Variants in APOH observed in about 807,000 individuals in gnomAD.
APOH encodes the protein apolipoprotein H.
A neutral mutation model predicts 39.8 loss-of-function variants in APOH; 48 were observed. The observed-to-expected ratio is 1.21, with a 90% CI of 0.96 to 1.54. APOH has a LOEUF of 1.54. APOH is among the 40% of genes most tolerant of loss of function. The pLI is 0.00. For synonymous variants in APOH, 153 were observed against 151.1 expected, an observed-to-expected ratio of 1.01 and a Z score of -0.09; for missense variants, 415 against 421.2, an observed-to-expected ratio of 0.99 and a Z score of 0.13.
At chr17:66,216,281 G>A (rs950410464) in intron 6 of APOH, among the ~76,000 whole-genome samples, 13 of 152,086 alleles carry the variant, frequency 8.5e-5, no homozygotes, top group African/African-American at 1.7e-4. Flanking sequence ...TCAGGAGTTC[G>A]AAATTAGCCT....
At chr17:66,216,597 G>A (rs1460227064) in intron 6 of APOH, among the ~76,000 whole-genome samples, 191 bp downstream of exon 6, 3 of 152,084 alleles carry the variant, frequency 2.0e-5, no homozygotes, top group Non-Finnish European at 4.4e-5. Flanking sequence ...ATTTCATACT[G>A]TTTAAGGTCA....
chr17:66,227,971 C>T, intron 2 of APOH, 49 bp downstream of exon 2: 3 of 1,571,908 alleles, frequency 1.9e-6, no homozygotes, highest in Non-Finnish European at 2.6e-6. Context: ...CTCCAAAATA[C>T]CCAGAATCCA....
intron 4 of APOH, 152 bp from the exon 5 acceptor site, chr17:66,220,894 A>T: frequency 1.2e-6 from 1 of 818,352 alleles, no homozygotes; most frequent in East Asian, 2.7e-5. Flanking sequence ...GTGGATGCCT[A>T]ATAGGAAAAT....
intron 6 of APOH, 78 bp from the exon 7 acceptor site, chr17:66,214,728 G>A (rs2073354626): frequency 2.4e-6 from 3 of 1,240,076 alleles, no homozygotes; most frequent in Admixed American, 1.9e-5. Flanking sequence ...ATTTGAAACA[G>A]TAGATGAGTA....
At chr17:66,218,995 G>A (rs1282284803) in intron 5 of APOH, among the ~76,000 whole-genome samples, 1 of 152,032 alleles carries the variant, frequency 6.6e-6, no homozygotes, top group Non-Finnish European at 1.5e-5. Context: ...GGGTGACAGA[G>A]TGAGACACCA....
At position 66,212,115 on chromosome 17, in the gene APOH, T is replaced by C; in HGVS notation, c.*18A>G. On this transcript the variant is annotated 3_prime_UTR_variant, in exon 8 of 8. Coordinates refer to ENST00000205948, the MANE Select transcript of APOH (RefSeq NM_000042.3). ...CAAGAAACAAGTGTGACATTTTGTG[T>C]GGAATCTGAAAACCACCTTAGCATG... 1 of 1,606,220 alleles carries C rather than the reference T, an allele frequency of 6.2e-7. No homozygotes were observed.
At chr17:66,224,481 A>AG (rs1447768549) in intron 3 of APOH, among the ~76,000 whole-genome samples, 3 of 146,352 alleles carry the variant, frequency 2.0e-5, no homozygotes, top group African/African-American at 7.5e-5. Context: ...AAAAAAAAAA[A>AG]AAAAAAAAAA....
intron 6 of APOH, among the ~76,000 whole-genome samples, chr17:66,215,420 A>G (rs1326966930): frequency 6.6e-6 from 1 of 152,224 alleles, no homozygotes; most frequent in African/African-American, 2.4e-5. Flanking sequence ...CAAGCCTTCC[A>G]GGTGTTGCTG....
intron 5 of APOH, among the ~76,000 whole-genome samples, chr17:66,217,748 G>A (rs1471932075): frequency 6.6e-6 from 1 of 152,090 alleles, no homozygotes; most frequent in African/African-American, 2.4e-5. Flanking sequence ...AGAAGTTCAA[G>A]ACCAGCCTGG....
At chr17:66,227,782 A>G (rs2073448466) in intron 2 of APOH, among the ~76,000 whole-genome samples, 1 of 152,014 alleles carries the variant, frequency 6.6e-6, no homozygotes, top group Admixed American at 6.6e-5. Context: ...ACCAGATCTC[A>G]TTTTTAAACC....
intron 3 of APOH, 135 bp from the exon 4 acceptor site, chr17:66,223,909 A>C (rs1355762098): frequency 4.0e-6 from 3 of 753,950 alleles, no homozygotes; most frequent in East Asian, 2.7e-5. Context: ...TCTTCCTGAC[A>C]AACTTAGTAC....
chr17:66,226,104 C>T lies in APOH; in HGVS notation c.262G>A (p.Gly88Arg). ...CGTACGGCTCCATTTTCTAAGATTC[C>T]AGCAAAAGGACATACTCTGGCTGTG... ...KCTPRVCPFA[G>R]ILENGAVRYT... The change falls in exon 3 of 8, where the codon GGA (glycine) becomes AGA (arginine). Residue 88 changes from glycine (G) to arginine (R), a missense_variant. Physicochemically the swap from Gly to Arg is moderately radical, Grantham distance 125 (BLOSUM62 -2). This residue lies in a region of APOH where 288 missense variants were observed against 284.9 expected (regional missense o/e 1.01). Transcript: ENST00000205948. 2 of 1,612,398 alleles carry T rather than the reference C, an allele frequency of 1.2e-6. No homozygotes were observed. The highest frequency in any genetic ancestry group is 1.3e-5 in the African/African-American group (1 of 74,878).
chr17:66,227,609 AT>A (rs1177189026), intron 2 of APOH, among the ~76,000 whole-genome samples: 1 of 152,110 alleles, frequency 6.6e-6, no homozygotes, highest in Non-Finnish European at 1.5e-5. Context: ...ATTTGTATTC[AT>A]TTCAGTAACT....
rs184580854 is a variant in APOH at position 66,215,346 on chromosome 17, G to A, written c.785-696C>T. ...ACCTGGCATAAATGCAAATTGTCAGGCCCCATCCCAGATCTACCAAATCAG... is the reference window on the plus strand; with the variant it reads ...ACCTGGCATAAATGCAAATTGTCAGACCCCATCCCAGATCTACCAAATCAG... On this transcript the variant is annotated intron_variant, in intron 6 of 7. Coordinates refer to ENST00000205948, the MANE Select transcript of APOH (RefSeq NM_000042.3). Among the ~76,000 whole-genome samples, 358 of 152,282 alleles carry A rather than the reference G, an allele frequency of 2.4e-3. 1 individual carries two copies. Among genetic ancestry groups the A allele is most frequent in the Non-Finnish European group, 3.7e-3 (251 of 68,020 alleles).
rs751793235 is a variant in APOH, at chr17:66,223,752, A to G, written c.361T>C (p.Ser121Pro). The part of the protein sequence containing the change: ...NTGFYLNGAD[S>P]AKCTEEGKWS... ...TTTCCTTCCTCAGTGCACTTGGCAG[A>G]ATCAGCGCCATTCAGATAAAACCTG... The change falls in exon 4 of 8, where the codon TCT becomes CCT. Residue 121 changes from serine (S) to proline (P), a missense_variant. Ser to Pro is a moderately conservative substitution (Grantham distance 74, BLOSUM62 -1). Transcript: ENST00000205948. 1.2e-6 allele frequency: 2 copies of G among 1,614,234 alleles called. No individual in the cohort carries two copies. The highest frequency in any genetic ancestry group is 2.2e-5 in the South Asian group (2 of 91,084).
chr17:66,214,449 T>C lies in APOH; in HGVS notation c.982+4A>G, dbSNP rs1373546985. 1.9e-6 allele frequency: 3 copies of C among 1,613,112 alleles called. No individual in the cohort carries two copies. Among genetic ancestry groups the C allele is most frequent in the Non-Finnish European group, 2.5e-6 (3 of 1,179,296 alleles). On this transcript the variant is annotated splice_donor_region_variant and intron_variant, in intron 7 of 7. Transcript: ENST00000205948. The stretch of plus-strand genomic sequence containing the variant: ...CCTAGCTAAACGTTCCAATGCAGAC[T>C]TACCCTTGAAGCATTTGGGGACTTC...
rs2146994881 is a variant in APOH at position 66,220,593 on chromosome 17, T to G, written c.565A>C (p.Thr189Pro). 6.2e-7 allele frequency: 1 copy of G among 1,614,222 alleles called. No homozygotes were observed. The highest frequency in any genetic ancestry group is 2.2e-5 in the East Asian group (1 of 44,888). Residue 189 changes from threonine (T) to proline (P), a missense_variant, in exon 5 of 8, where the codon ACG (threonine) becomes CCG (proline). Physicochemically the swap from Thr to Pro is conservative, Grantham distance 38. Transcript: ENST00000205948. ...AATTTAGTCCAATTTCCATGTGTCG[T>G]GCAGGTAATTGTATCATTTCCAAAC... ...AMFGNDTITC[T>P]THGNWTKLPE...
rs2073351603 is a variant in APOH at position 66,214,323 on chromosome 17, T to C, written c.982+130A>G. On this transcript the variant is annotated intron_variant, in intron 7 of 7. Coordinates refer to ENST00000205948, the MANE Select transcript of APOH (RefSeq NM_000042.3). ...ATCCACCCGCCTCAGCCTCCCAAAG[T>C]GCTGGGATTACAGGCGTGACCCACC... 114 of 837,346 alleles carry C rather than the reference T, an allele frequency of 1.4e-4. No homozygotes were observed. In the South Asian group the frequency reaches 1.7e-3, roughly 12 times the overall value. 51.9% of individuals were successfully genotyped at this position (837,346 alleles called of 1,614,324 possible).
chr17:66,224,470 T>TAAAAAAAAAAAAAA (rs760150264), intron 3 of APOH, among the ~76,000 whole-genome samples: 1 of 43,004 alleles, frequency 2.3e-5, no homozygotes, highest in Non-Finnish European at 3.2e-5. Flanking sequence ...GAAGATCCTG[T>TAAAAAAAAAAAAAA]AAAAAAAAAA....
Sources: allele counts gnomAD v4.1 joint callset (sites outside exome capture counted in the v4.1 genomes callset), GRCh38; gene constraint gnomAD v4.1.1; regional missense constraint gnomAD v4.1.1; transcripts MANE v1.5; gene names NCBI Gene and HGNC (gene_info 2026-07-23, HGNC 2026-07-21).